DDX24: variants seen among roughly 807,000 people sequenced by gnomAD.
DDX24 encodes the protein DEAD-box helicase 24, also known as ATP-dependent RNA helicase DDX24.
DDX24 carries 24 observed loss-of-function variants against 68.9 expected under a neutral mutation model. That is an observed-to-expected ratio of 0.35 (90% CI 0.25 to 0.49). The LOEUF is 0.49. Ranked by LOEUF, DDX24 falls within the 20% of genes least tolerant of loss-of-function variation. DDX24 has a pLI of 0.99. For synonymous variants in DDX24, 395 were observed against 385.2 expected (o/e 1.03, Z -0.30); for missense variants, 989 against 1,039.0 (o/e 0.95, Z 0.66).
At chr14:94,071,311 C>T (rs1595379112) in intron 2 of DDX24, among the ~76,000 whole-genome samples, 1 of 152,184 alleles carries the variant, frequency 6.6e-6, no homozygotes, top group African/African-American at 2.4e-5. Flanking sequence ...TGTGATACCA[C>T]CTTACTCCTG....
rs1885380417 is a variant in DDX24 at position 94,051,202 on chromosome 14, T to C, written c.2569A>G (p.Ser857Gly). The C allele has an allele frequency of 6.5e-7, 1 of 1,548,510 alleles. No homozygotes were observed. Among genetic ancestry groups the C allele is most frequent in the Non-Finnish European group, 8.7e-7 (1 of 1,148,524 alleles). ...PQPEQPQPST[S>G]AN ...ACACACTTGACCAGTTAATTTGCAC[T>C]TGTACTTGGCTGTGGCTGTTCCGGC... Residue 857 changes from serine (S) to glycine (G), a missense_variant, in exon 9 of 9, where the codon AGT becomes GGT. Around this residue, in one of 3 missense-constraint regions of DDX24, gnomAD observed 691 missense variants for 760.0 expected, o/e 0.91. Transcript: ENST00000621632.
chr14:94,055,478 C>G, intron 6 of DDX24: 1 of 412,894 alleles, frequency 2.4e-6, no homozygotes, highest in Non-Finnish European at 4.4e-6. Context: ...TTTAAGCAGC[C>G]CAGCTCCACA....
At chr14:94,065,372 A>ATC (rs199615453) in intron 2 of DDX24, among the ~76,000 whole-genome samples, 2 of 83,540 alleles carry the variant, frequency 2.4e-5, no homozygotes, top group African/African-American at 8.0e-5. Context: ...TCTTAATAGT[A>ATC]TCTCTCTCTC....
At chr14:94,069,261 C>A (rs1319851003) in intron 2 of DDX24, among the ~76,000 whole-genome samples, 1 of 151,820 alleles carries the variant, frequency 6.6e-6, no homozygotes, top group Admixed American at 6.6e-5. Flanking sequence ...AACTAGGAAA[C>A]CTAGAAAAGA....
At chr14:94,069,534 C>T (rs887687815) in intron 2 of DDX24, among the ~76,000 whole-genome samples, 1 of 152,092 alleles carries the variant, frequency 6.6e-6, no homozygotes, top group Admixed American at 6.5e-5. Context: ...ACCCTAATAC[C>T]AAAACCAGGA....
chr14:94,076,471 A>G (rs1885942911), intron 2 of DDX24, among the ~76,000 whole-genome samples: 1 of 152,164 alleles, frequency 6.6e-6, no homozygotes, highest in Admixed American at 6.5e-5. Context: ...TCATGAGGGC[A>G]GGAGTTTGCG....
chr14:94,052,181 C>A (rs1885400320), intron 8 of DDX24, among the ~76,000 whole-genome samples: 1 of 152,270 alleles, frequency 6.6e-6, no homozygotes, highest in African/African-American at 2.4e-5. Context: ...GTGTCAACAT[C>A]TCTGCTGAGC....
At chr14:94,057,983 T>TA in intron 5 of DDX24, 86 bp from the exon 6 acceptor site, 1 of 1,240,184 alleles carries the variant, frequency 8.1e-7, no homozygotes, top group Non-Finnish European at 1.2e-6. Context: ...TCCTAAACAT[T>TA]ACAGTCCTTA....
chr14:94,052,922 T>C lies in DDX24; in HGVS notation c.2308+76A>G, dbSNP rs1885415578. The C allele has an allele frequency of 7.8e-6, 12 of 1,543,622 alleles. No individual in the cohort carries two copies. In the South Asian group the frequency reaches 9.8e-5, roughly 13 times the overall value. ...CTGATTTTGACAAGACCCACAGTAG[T>C]AGAGATGGTTCCAACAAAGCAAAAG... On this transcript the variant is annotated intron_variant, in intron 8 of 8. Transcript: ENST00000621632.
chr14:94,065,054 C>CTT (rs57434417), intron 2 of DDX24, among the ~76,000 whole-genome samples: 6,871 of 144,256 alleles, frequency 0.048, 434 homozygotes, highest in African/African-American at 0.14. Context: ...GGTAGAAAAT[C>CTT]TTTTTTTTTT....
intron 8 of DDX24, chr14:94,051,876 A>AC (rs1885394776): frequency 6.0e-6 from 1 of 165,586 alleles, no homozygotes; most frequent in South Asian, 2.0e-4. Context: ...CACAATTACA[A>AC]CCCCCACCTC....
At position 94,079,011 on chromosome 14, in the gene DDX24, A is replaced by C; in HGVS notation, c.718+14T>G. On this transcript the variant is annotated intron_variant, in intron 2 of 8. Coordinates refer to ENST00000621632, the MANE Select transcript of DDX24 (RefSeq NM_020414.4). ...ATCCAGAAGCAATCCTGCTTTGGCC[A>C]GAGTTGCCCTTACCTGTCTCAGCAG... is the stretch of plus-strand genomic sequence containing the variant. 1 of 1,603,998 alleles carries C rather than the reference A, an allele frequency of 6.2e-7. No individual in the cohort carries two copies. The highest frequency in any genetic ancestry group is 1.3e-5 in the African/African-American group (1 of 74,722).
chr14:94,058,647 C>G (rs1044739905), intron 5 of DDX24, among the ~76,000 whole-genome samples: 1 of 152,138 alleles, frequency 6.6e-6, no homozygotes, highest in Non-Finnish European at 1.5e-5. Flanking sequence ...ATGTGTGGTT[C>G]ATGGAAAGTC....
chr14:94,053,057 G>C lies in DDX24; in HGVS notation c.2249C>G (p.Ser750Cys). The C allele has an allele frequency of 1.2e-6, 2 of 1,614,168 alleles. No individual in the cohort carries two copies. Among genetic ancestry groups the C allele is most frequent in the Non-Finnish European group, 1.7e-6 (2 of 1,180,022 alleles). ...GGCAGCTGCTGCCTGCTCAATCCAA[G>C]AGTTGTGCAGGCAAGCCTGGAAGTT... The part of the protein sequence containing the change: ...YRNFQACLHN[S>C]WIEQAAAALE... The change falls in exon 8 of 9, where the codon TCT (serine) becomes TGT (cysteine). Residue 750 changes from serine (S) to cysteine (C), a missense_variant. Ser to Cys is a moderately radical substitution (Grantham distance 112, BLOSUM62 -1). Transcript: ENST00000621632.
Position 94,062,533 on chromosome 14 carries a change from G to A in DDX24, c.807C>T (p.Asn269=). 1 of 1,614,182 alleles carries A rather than the reference G, an allele frequency of 6.2e-7. No homozygotes were observed. Among genetic ancestry groups the A allele is most frequent in the Non-Finnish European group, 8.5e-7 (1 of 1,180,042 alleles). ...TGGTCTCTCCAGGTGGTGCTTCGGTGTTACTTGGAGGAGGGGCAGCATTCC... is the reference window on the plus strand; with the variant it reads ...TGGTCTCTCCAGGTGGTGCTTCGGTATTACTTGGAGGAGGGGCAGCATTCC... ...QKRNAAPPPS[N]TEAPPGETRT... is the part of the protein sequence containing the mutation. The change falls in exon 3 of 9, where the codon AAC becomes AAT. Residue 269 remains asparagine, a synonymous_variant. Coordinates refer to ENST00000621632, the MANE Select transcript of DDX24 (RefSeq NM_020414.4).
chr14:94,061,181 T>C (rs956381566), intron 3 of DDX24, 115 bp from the exon 4 acceptor site: 5 of 1,188,962 alleles, frequency 4.2e-6, no homozygotes, highest in African/African-American at 1.5e-5. Flanking sequence ...TGTAATGCCC[T>C]AGAGCATTGC....
chr14:94,058,314 T>A (rs909695709), intron 5 of DDX24, among the ~76,000 whole-genome samples: 1 of 152,196 alleles, frequency 6.6e-6, no homozygotes, highest in African/African-American at 2.4e-5. Flanking sequence ...TTGCACTTGC[T>A]ACTCCTTAAG....
intron 6 of DDX24, 64 bp from the exon 7 acceptor site, chr14:94,055,248 G>A (rs1357549854): frequency 2.6e-6 from 4 of 1,543,554 alleles, no homozygotes; most frequent in African/African-American, 1.4e-5. Flanking sequence ...CTCTCCTCAG[G>A]GCCACATCCC....
chr14:94,067,911 C>G (rs1885737744), intron 2 of DDX24, among the ~76,000 whole-genome samples: 1 of 152,114 alleles, frequency 6.6e-6, no homozygotes, highest in African/African-American at 2.4e-5. Flanking sequence ...AAAAATCACA[C>G]AGGATGCAGA....
Sources: allele counts gnomAD v4.1 joint callset (sites outside exome capture counted in the v4.1 genomes callset), GRCh38; gene constraint gnomAD v4.1.1; regional missense constraint gnomAD v4.1.1; transcripts MANE v1.5; gene names NCBI Gene and HGNC (gene_info 2026-07-23, HGNC 2026-07-21).